Variants in MBOAT1 observed in about 807,000 individuals in gnomAD.
MBOAT1 encodes the protein membrane-bound glycerophospholipid O-acyltransferase 1.
A neutral mutation model predicts 64.4 loss-of-function variants in MBOAT1; 67 were observed. The ratio of observed to expected loss-of-function variants is 1.04; its 90% CI spans 0.85 to 1.27. MBOAT1 has a LOEUF of 1.27. Among genes scored for constraint, MBOAT1 ranks in the 50% most tolerant of loss-of-function variants. The pLI is 0.00. For missense variants in MBOAT1, 563 were observed against 604.6 expected, an observed-to-expected ratio of 0.93 and a Z score of 0.72; for synonymous variants, 229 against 218.9, an observed-to-expected ratio of 1.05 and a Z score of -0.41.
intron 1 of MBOAT1, among the ~76,000 whole-genome samples, chr6:20,198,936 A>G (rs1240164756): frequency 6.6e-6 from 1 of 152,232 alleles, no homozygotes; most frequent in Non-Finnish European, 1.5e-5. Context: ...TCTTCTGTAC[A>G]TCGTAAACTT....
intron 1 of MBOAT1, among the ~76,000 whole-genome samples, chr6:20,189,657 T>C (rs961141930): frequency 8.6e-5 from 13 of 151,682 alleles, no homozygotes; most frequent in African/African-American, 3.1e-4. Flanking sequence ...CTAACTAAAA[T>C]TTATACCCTT....
At position 20,112,962 on chromosome 6, in the gene MBOAT1, T is replaced by A; in HGVS notation, c.1123A>T (p.Ile375Phe). 1 of 1,614,066 alleles carries A rather than the reference T, an allele frequency of 6.2e-7. No individual in the cohort carries two copies. The change falls in exon 11 of 13, where the codon ATC (isoleucine) becomes TTC (phenylalanine). Residue 375 changes from isoleucine to phenylalanine, a missense_variant. Ile to Phe is a conservative substitution (Grantham distance 21, BLOSUM62 0). Coordinates refer to ENST00000324607, the MANE Select transcript of MBOAT1 (RefSeq NM_001080480.3). ...VPWYPTVLTF[I>F]LSALWHGVYP... ...ACACCATGCCACAAAGCAGACAGGA[T>A]GAAGGTTAGCACCGTGGGGTACCAT... is the stretch of plus-strand genomic sequence containing the variant.
intron 1 of MBOAT1, among the ~76,000 whole-genome samples, chr6:20,194,003 C>T (rs1227199329): frequency 1.3e-5 from 2 of 152,140 alleles, no homozygotes; most frequent in Non-Finnish European, 2.9e-5. Context: ...AAACATATAA[C>T]AGTGTAACTG....
chr6:20,116,637 T>C (rs1460784560), intron 9 of MBOAT1, among the ~76,000 whole-genome samples: 1 of 152,246 alleles, frequency 6.6e-6, no homozygotes, highest in African/African-American at 2.4e-5. Context: ...AATAAAATGC[T>C]ATAAGCCCAG....
chr6:20,109,852 G>A, intron 11 of MBOAT1, 103 bp from the exon 12 acceptor site: 1 of 1,021,532 alleles, frequency 9.8e-7, no homozygotes, highest in South Asian at 2.2e-5. Context: ...ATGGGCTACA[G>A]AAGATAACCA....
chr6:20,156,729 T>G (rs528764741), intron 1 of MBOAT1, among the ~76,000 whole-genome samples: 6 of 152,332 alleles, frequency 3.9e-5, no homozygotes, highest in African/African-American at 1.4e-4. Context: ...GTGATTTGGC[T>G]CTCTGCTTGT....
Position 20,161,328 on chromosome 6 carries a change from T to C in MBOAT1, c.100-8559A>G, listed in dbSNP as rs181877556. 5.6e-3 allele frequency among the ~76,000 whole-genome samples: 853 copies of C among 152,082 alleles called. 9 individuals carry two copies. The highest frequency in any genetic ancestry group is 0.019 in the African/African-American group (776 of 41,470). On this transcript the variant is annotated intron_variant, in intron 1 of 12. Coordinates refer to ENST00000324607, the MANE Select transcript of MBOAT1 (RefSeq NM_001080480.3). ...CAGGGCTCCCTCTAACTCTACATTA[T>C]GGTGAGTTGTATAATTATTTCATTA...
At position 20,101,952 on chromosome 6, in the gene MBOAT1, A is replaced by G. The variant is rs1455057098; in HGVS notation, c.*334T>C. 2.6e-5 allele frequency among the ~76,000 whole-genome samples: 4 copies of G among 150,958 alleles called. No individual in the cohort carries two copies. Among genetic ancestry groups the G allele is most frequent in the Non-Finnish European group, 5.9e-5 (4 of 67,760 alleles). ...AAAACGGTGAAACCCCGTCTCTACTAAAAATACAAAAAATTAGCCGGGCGT... is the reference window on the plus strand; with the variant it reads ...AAAACGGTGAAACCCCGTCTCTACTGAAAATACAAAAAATTAGCCGGGCGT... On this transcript the variant is annotated 3_prime_UTR_variant, in exon 13 of 13. Transcript: ENST00000324607.
Position 20,111,683 on chromosome 6 carries a change from C to A in MBOAT1, c.1209+1193G>T, listed in dbSNP as rs185465941. On this transcript the variant is annotated intron_variant, in intron 11 of 12. Transcript: ENST00000324607. ...TTGTTCTTTAGTTTTCTTTTATAAT[C>A]TAAATAGTTACATGAACAGGAGAGA... 2.1e-3 allele frequency among the ~76,000 whole-genome samples: 312 copies of A among 151,204 alleles called. 1 individual carries two copies. The highest frequency in any genetic ancestry group is 7.2e-3 in the African/African-American group (295 of 41,176).
At chr6:20,144,077 A>C in intron 4 of MBOAT1, 143 bp downstream of exon 4, 3 of 608,864 alleles carry the variant, frequency 4.9e-6, no homozygotes, top group Non-Finnish European at 8.8e-6. Context: ...TCAAGTCTCC[A>C]GCCTCAATCC....
At position 20,177,860 on chromosome 6, in the gene MBOAT1, C is replaced by G. The variant is rs560056026; in HGVS notation, c.100-25091G>C. 4.0e-5 allele frequency among the ~76,000 whole-genome samples: 6 copies of G among 151,364 alleles called. No individual in the cohort carries two copies. The South Asian group carries it at 1.3e-3, about 32-fold the overall frequency. ...TTGCTTTCTCTGACACTTTTCTTTTCTTACTTTTGTCTCTTTCCCCAAAGC... is the reference window on the plus strand; with the variant it reads ...TTGCTTTCTCTGACACTTTTCTTTTGTTACTTTTGTCTCTTTCCCCAAAGC... On this transcript the variant is annotated intron_variant, in intron 1 of 12. Coordinates refer to ENST00000324607, the MANE Select transcript of MBOAT1 (RefSeq NM_001080480.3).
At chr6:20,111,825 C>CAT (rs199620655) in intron 11 of MBOAT1, among the ~76,000 whole-genome samples, 15,060 of 110,424 alleles carry the variant, frequency 0.14, 3,080 homozygotes, top group Non-Finnish European at 0.16. Flanking sequence ...CATATATATA[C>CAT]ATATATATAC....
intron 1 of MBOAT1, among the ~76,000 whole-genome samples, chr6:20,170,779 T>C (rs1241638769): frequency 6.6e-6 from 1 of 152,224 alleles, no homozygotes; most frequent in African/African-American, 2.4e-5. Flanking sequence ...CTTCTCACTC[T>C]GTATTGTAAT....
intron 1 of MBOAT1, among the ~76,000 whole-genome samples, chr6:20,201,889 T>C (rs993040702): frequency 1.4e-4 from 22 of 152,024 alleles, no homozygotes; most frequent in Admixed American, 4.6e-4. Flanking sequence ...GCTGGAAAAG[T>C]GATTTTTGTT....
chr6:20,111,870 A>ATATATATATATG (rs1491359464), intron 11 of MBOAT1, among the ~76,000 whole-genome samples: 1 of 117,102 alleles, frequency 8.5e-6, no homozygotes, highest in Non-Finnish European at 1.6e-5. Context: ...ATATATATAC[A>ATATATATATATG]TATATATATG....
Position 20,131,122 on chromosome 6 carries a change from A to G in MBOAT1, c.475+22T>C, listed in dbSNP as rs1291338131. 1.9e-6 allele frequency: 3 copies of G among 1,610,254 alleles called. No homozygotes were observed. The South Asian group carries it at 3.3e-5, about 18-fold the overall frequency. ...CATGTCAGGCTCACTCTGAGAACCA[A>G]AAGGAGGGCTGCTGTTCTTACCATC... On this transcript the variant is annotated intron_variant, in intron 5 of 12. Transcript: ENST00000324607.
At chr6:20,108,603 A>G (rs760039461) in intron 12 of MBOAT1, among the ~76,000 whole-genome samples, 2 of 152,222 alleles carry the variant, frequency 1.3e-5, no homozygotes, top group Non-Finnish European at 2.9e-5. Context: ...CATCGGCTAT[A>G]GGGAATTCCC....
At chr6:20,162,647 G>A (rs1202201) in intron 1 of MBOAT1, among the ~76,000 whole-genome samples, 39,890 of 152,030 alleles carry the variant, frequency 0.26, 5,399 homozygotes, top group Non-Finnish European at 0.31. Context: ...GACAACTCTC[G>A]ATGTGCTACT....
At chr6:20,198,282 G>A (rs140442281) in intron 1 of MBOAT1, among the ~76,000 whole-genome samples, 306 of 151,894 alleles carry the variant, frequency 2.0e-3, no homozygotes, top group African/African-American at 6.9e-3. Context: ...ACCTAAGAAC[G>A]TGTTCCATCT....
Sources: allele counts gnomAD v4.1 joint callset (sites outside exome capture counted in the v4.1 genomes callset), GRCh38; gene constraint gnomAD v4.1.1; transcripts MANE v1.5; gene names NCBI Gene and HGNC (gene_info 2026-07-23, HGNC 2026-07-21).